FBH1: variants seen among roughly 807,000 people sequenced by gnomAD.
The protein encoded by FBH1 is DNA 3'-5' helicase 1.
A neutral mutation model predicts 115.5 loss-of-function variants in FBH1; 43 were observed. The observed-to-expected ratio is 0.37, with a 90% CI of 0.29 to 0.48. The LOEUF (loss-of-function observed/expected upper bound fraction) is 0.48, where lower values mean the gene tolerates loss of function less well. FBH1 is among the 20% of genes least tolerant of loss of function. The pLI is 0.99. For missense variants in FBH1, 1,001 were observed against 1,337.3 expected (o/e 0.75, Z 3.92); for synonymous variants, 524 against 507.8 (o/e 1.03, Z -0.43).
At chr10:5,904,234 C>T (rs148721727) in intron 2 of FBH1, among the ~76,000 whole-genome samples, 3,031 of 151,920 alleles carry the variant, frequency 0.02, 101 homozygotes, top group African/African-American at 0.068. Flanking sequence ...GGTTTTGCTA[C>T]GTTGCCCAGG....
At position 5,909,284 on chromosome 10, in the gene FBH1, CT is replaced by C; in HGVS notation, c.1011del (p.Ala338LeufsTer21). The C allele has an allele frequency of 1.2e-6, 2 of 1,610,112 alleles. No individual in the cohort carries two copies. The highest frequency in any genetic ancestry group is 1.7e-6 in the Non-Finnish European group (2 of 1,179,894). On this transcript the variant is annotated frameshift_variant, in exon 5 of 21. Transcript: ENST00000362091. LOFTEE classifies it high-confidence loss of function. This position sits in a 1 kb window ranked among gnomAD's most constrained non-coding sequence, Gnocchi z 4.4. ...CVRQHLPDLYAAAGGVNIWAL... is the reference protein window; with the variant it reads ...CVRQHLPDLYXAAGGVNIWAL... ...CGGCAACACCTCCCCGACCTCTACG[CT>C]GCTGCCGGGGTAGGTCTGGAGGCTG...
intron 1 of FBH1, among the ~76,000 whole-genome samples, chr10:5,898,147 C>T (rs1470180470): frequency 6.6e-6 from 1 of 152,216 alleles, no homozygotes; most frequent in East Asian, 1.9e-4. Flanking sequence ...TCCATTTGGG[C>T]TGGTATAACA....
Position 5,914,975 on chromosome 10 carries a change from G to C in FBH1, c.1397-428G>C, listed in dbSNP as rs116449935. 2.0e-5 allele frequency among the ~76,000 whole-genome samples: 3 copies of C among 152,078 alleles called. No homozygotes were observed. The highest frequency in any genetic ancestry group is 7.2e-5 in the African/African-American group (3 of 41,398). ...AACTGAAGCACAGAGAGCCTTGCCC[G>C]GGGTTGAATAAGTGGATAGGTGGTG... On this transcript the variant is annotated intron_variant, in intron 8 of 20. Transcript: ENST00000362091. This position sits in a 1 kb window ranked among gnomAD's most constrained non-coding sequence, Gnocchi z 5.2.
chr10:5,915,835 T>C lies in FBH1; in HGVS notation c.1565+264T>C, dbSNP rs1460583175. On this transcript the variant is annotated intron_variant, in intron 9 of 20. Transcript: ENST00000362091. This position sits in a 1 kb window ranked among gnomAD's most constrained non-coding sequence, Gnocchi z 5.2. ...GGCACAGAAAGTCAAAATGACTTGCTTAAAGTTCAGAGTCTCACAAATCCT... is the reference window on the plus strand; with the variant it reads ...GGCACAGAAAGTCAAAATGACTTGCCTAAAGTTCAGAGTCTCACAAATCCT... 3.9e-6 allele frequency: 2 copies of C among 511,424 alleles called. No individual in the cohort carries two copies. The highest frequency in any genetic ancestry group is 7.0e-6 in the Non-Finnish European group (2 of 285,006). The allele number at this position is 511,424 out of a possible 1,614,324, so 31.7% of individuals were successfully genotyped here.
At chr10:5,928,992 C>T (rs754715176) in intron 19 of FBH1, among the ~76,000 whole-genome samples, 3 of 152,172 alleles carry the variant, frequency 2.0e-5, no homozygotes, top group Non-Finnish European at 4.4e-5. Flanking sequence ...TGGGGTTGAA[C>T]CACAGGGTGC....
intron 19 of FBH1, among the ~76,000 whole-genome samples, chr10:5,927,744 A>G (rs556698667): frequency 1.3e-5 from 2 of 152,224 alleles, no homozygotes; most frequent in South Asian, 4.1e-4. Flanking sequence ...TTTCTAAGTC[A>G]TTTCCTAATT....
At chr10:5,890,170 G>T, upstream of FBH1, 4 of 328,974 alleles carry the variant, frequency 1.2e-5, no homozygotes, top group East Asian at 1.9e-4. Flanking sequence ...GTCCGGCTCC[G>T]GCGGCGGGCG....
In FBH1 at chr10:5,890,314, G is replaced by GGCGGCA. The variant is rs938904333; in HGVS notation, c.-27_-22dup. ...CGGCCGGCGGCGCGGGCCCGGCGGCGGCGGCAGCGGGGTCCGGGTCCGGAG... is the reference window on the plus strand; with the variant it reads ...CGGCCGGCGGCGCGGGCCCGGCGGCGGCGGCAGCGGCAGCGGGGTCCGGGTCCGGAG... On this transcript the variant is annotated 5_prime_UTR_variant, in exon 1 of 21. Transcript: ENST00000362091. 2.4e-5 allele frequency: 9 copies of GGCGGCA among 376,760 alleles called. No homozygotes were observed. The highest frequency in any genetic ancestry group is 4.4e-5 in the Non-Finnish European group (9 of 202,612). 23.3% of individuals were successfully genotyped at this position (376,760 alleles called of 1,614,324 possible).
rs1331500447 is a variant in FBH1 at position 5,921,491 on chromosome 10, C to G, written c.2244C>G (p.Ser748=). The change falls in exon 15 of 21, where the codon TCC becomes TCG. Residue 748 remains serine, a synonymous_variant. Coordinates refer to ENST00000362091, the MANE Select transcript of FBH1 (RefSeq NM_178150.3). This position sits in a 1 kb window ranked among gnomAD's most constrained non-coding sequence, Gnocchi z 6.4. ...CAAAGGGGCAAGTGGCCTTGTTGTC[C>G]CGGACCAACGCCAACGTGTTTGATG... ...GDAKGQVALL[S]RTNANVFDEA... 6.2e-7 allele frequency: 1 copy of G among 1,601,872 alleles called. No homozygotes were observed. The highest frequency in any genetic ancestry group is 8.5e-7 in the Non-Finnish European group (1 of 1,177,044).
chr10:5,924,113 C>T lies in FBH1; in HGVS notation c.2399-198C>T, dbSNP rs185276297. The stretch of plus-strand genomic sequence containing the variant: ...TGAGCCGAGGGCTTTGCTCCTCAGT[C>T]GGAGACGGAGAGGCTACTGCACTGC... On this transcript the variant is annotated intron_variant, in intron 16 of 20. Coordinates refer to ENST00000362091, the MANE Select transcript of FBH1 (RefSeq NM_178150.3). This position sits in a 1 kb window ranked among gnomAD's most constrained non-coding sequence, Gnocchi z 6.2. The T allele has an allele frequency of 4.5e-5, 27 of 602,488 alleles. No homozygotes were observed. Among genetic ancestry groups the T allele is most frequent in the Non-Finnish European group, 6.5e-5 (22 of 340,640 alleles). 37.3% of individuals were successfully genotyped at this position (602,488 alleles called of 1,614,324 possible).
chr10:5,890,026 C>T, upstream of FBH1: 1 of 272,854 alleles, frequency 3.7e-6, no homozygotes, highest in Non-Finnish European at 6.9e-6. Flanking sequence ...CCGGCCCGAG[C>T]GGAAGCGCGG....
At position 5,915,300 on chromosome 10, in the gene FBH1, C is replaced by T; in HGVS notation, c.1397-103C>T. On this transcript the variant is annotated intron_variant, in intron 8 of 20. Transcript: ENST00000362091. The surrounding 1 kb of genome is among the most constrained non-coding windows in gnomAD (Gnocchi z 5.2). ...CTGAAAAACTTGTTACTGTCCTGCTCTCAAGACAGAGGTGTGATAAGCCTG... is the reference window on the plus strand; with the variant it reads ...CTGAAAAACTTGTTACTGTCCTGCTTTCAAGACAGAGGTGTGATAAGCCTG... 3 of 1,241,474 alleles carry T rather than the reference C, an allele frequency of 2.4e-6. No homozygotes were observed. Among genetic ancestry groups the T allele is most frequent in the Non-Finnish European group, 3.4e-6 (3 of 890,388 alleles). The allele number at this position is 1,241,474 out of a possible 1,614,324, so 76.9% of individuals were successfully genotyped here.
In FBH1 at chr10:5,911,801, G is replaced by T. The variant is rs1174449159; in HGVS notation, c.1211+673G>T. ...CAGAGAAAATAGAACAGAGAGCTGT[G>T]GGGTGAATGCTGCTTTAGAGGGGTG... On this transcript the variant is annotated intron_variant, in intron 6 of 20. Transcript: ENST00000362091. The surrounding 1 kb of genome is among the most constrained non-coding windows in gnomAD (Gnocchi z 5.4). 3.3e-5 allele frequency among the ~76,000 whole-genome samples: 5 copies of T among 152,186 alleles called. No homozygotes were observed. The highest frequency in any genetic ancestry group is 4.4e-5 in the Non-Finnish European group (3 of 68,028).
rs1831485446 is a variant in FBH1 at position 5,910,153 on chromosome 10, G to A, written c.1021-785G>A. Among the ~76,000 whole-genome samples, 1 of 152,054 alleles carries A rather than the reference G, an allele frequency of 6.6e-6. No individual in the cohort carries two copies. Among genetic ancestry groups the A allele is most frequent in the South Asian group, 2.1e-4 (1 of 4,828 alleles). On this transcript the variant is annotated intron_variant, in intron 5 of 20. Transcript: ENST00000362091. The surrounding 1 kb of genome is among the most constrained non-coding windows in gnomAD (Gnocchi z 4.8). ...AAAAATTAGCCGAGCATGGTGGCATGTGCCTGTAGTACTGGCTACTCTGGA... is the reference window on the plus strand; with the variant it reads ...AAAAATTAGCCGAGCATGGTGGCATATGCCTGTAGTACTGGCTACTCTGGA...
In FBH1 at chr10:5,937,196, C is replaced by T; in HGVS notation, c.3048C>T (p.Ser1016=). The T allele has an allele frequency of 6.2e-6, 10 of 1,614,074 alleles. No individual in the cohort carries two copies. Among genetic ancestry groups the T allele is most frequent in the Non-Finnish European group, 8.5e-6 (10 of 1,179,976 alleles). Reference sequence around the variant, plus strand: ...GGCCCCTGGCGTTCCTGACAGCCTCCCCGGAGCAGGTGCGCGCCATGGAGC... The same window carrying T: ...GGCCCCTGGCGTTCCTGACAGCCTCTCCGGAGCAGGTGCGCGCCATGGAGC... ...RIGPLAFLTA[S]PEQVRAMERT... The change falls in exon 21 of 21, where the codon TCC becomes TCT. Residue 1016 remains serine (S), a synonymous_variant. Transcript: ENST00000362091.
At chr10:5,920,528 A>G (rs552036449) in intron 13 of FBH1, among the ~76,000 whole-genome samples, 18 of 152,228 alleles carry the variant, frequency 1.2e-4, no homozygotes, top group Non-Finnish European at 1.5e-5. Context: ...TCTCCCATCT[A>G]TTTAAATATT....
At chr10:5,904,851 T>A (rs528395263) in intron 2 of FBH1, among the ~76,000 whole-genome samples, 1 of 152,298 alleles carries the variant, frequency 6.6e-6, no homozygotes, top group African/African-American at 2.4e-5. Context: ...TTTTTAAATT[T>A]TACTAATATA....
Position 5,936,616 on chromosome 10 carries a change from C to T in FBH1, c.2961+29C>T. On this transcript the variant is annotated intron_variant, in intron 20 of 20. Transcript: ENST00000362091. The surrounding 1 kb of genome is among the most constrained non-coding windows in gnomAD (Gnocchi z 5.6). ...CGTCTGCTGTCTGTGGAACTTAATT[C>T]AGCCATTTGCATTTTTTGCTTGTGA... is the stretch of plus-strand genomic sequence containing the variant. 6.2e-7 allele frequency: 1 copy of T among 1,609,260 alleles called. No homozygotes were observed. The highest frequency in any genetic ancestry group is 1.1e-5 in the South Asian group (1 of 90,904).
chr10:5,909,858 G>C lies in FBH1; in HGVS notation c.1020+564G>C, dbSNP rs647391. ...TGGGAACCCAGGCAACTGCATTTCTGTTTCTCTTGAAGAAGATGATTGCTG... is the reference window on the plus strand; with the variant it reads ...TGGGAACCCAGGCAACTGCATTTCTCTTTCTCTTGAAGAAGATGATTGCTG... On this transcript the variant is annotated intron_variant, in intron 5 of 20. Transcript: ENST00000362091. This position sits in a 1 kb window ranked among gnomAD's most constrained non-coding sequence, Gnocchi z 4.4. Among the ~76,000 whole-genome samples the C allele has an allele frequency of 0.82, 125,061 of 152,234 alleles. 51,743 individuals carry two copies. Among genetic ancestry groups the C allele is most frequent in the Admixed American group, 0.87 (13,292 of 15,294 alleles).
Sources: allele counts gnomAD v4.1 joint callset (sites outside exome capture counted in the v4.1 genomes callset), GRCh38; gene constraint gnomAD v4.1.1; non-coding constraint Gnocchi (gnomAD v3.1); transcripts MANE v1.5; gene names NCBI Gene and HGNC (gene_info 2026-07-23, HGNC 2026-07-21).